The following DPP10 variants were observed in gnomAD, a reference collection of about 807,000 sequenced individuals.
DPP10 encodes dipeptidyl peptidase like 10.
A neutral mutation model predicts 120.9 loss-of-function variants in DPP10; 33 were observed. That is an observed-to-expected ratio of 0.27 (90% CI 0.21 to 0.37). The LOEUF is 0.37. Among genes scored for constraint, DPP10 ranks in the 10% least tolerant of loss-of-function variants. The pLI is 1.00. For synonymous variants in DPP10, 337 were observed against 326.1 expected (o/e 1.03, Z -0.36); for missense variants, 816 against 942.8 (o/e 0.87, Z 1.76).
chr2:115,074,325 A>G (rs1212750880), intron 1 of DPP10, among the ~76,000 whole-genome samples: 2 of 152,178 alleles, frequency 1.3e-5, no homozygotes, highest in Non-Finnish European at 2.9e-5. Flanking sequence ...GATTTTTTTA[A>G]ACACACATAG....
chr2:115,790,354 C>T (rs1575783830), intron 17 of DPP10, among the ~76,000 whole-genome samples: 2 of 152,110 alleles, frequency 1.3e-5, no homozygotes, highest in East Asian at 1.9e-4. Context: ...GCTGGGATTA[C>T]AGGCGTGAGC....
At chr2:115,603,511 G>C (rs1052253720) in intron 5 of DPP10, among the ~76,000 whole-genome samples, 1 of 151,302 alleles carries the variant, frequency 6.6e-6, no homozygotes, top group African/African-American at 2.4e-5. Context: ...GCATAACAGA[G>C]CTGGGCTGGA....
chr2:114,893,448 C>T (rs1574432003), intron 1 of DPP10, among the ~76,000 whole-genome samples: 2 of 151,838 alleles, frequency 1.3e-5, no homozygotes, highest in South Asian at 4.2e-4. Flanking sequence ...GAAAATCAGG[C>T]AGCTTTTGAA....
At chr2:115,442,176 C>T (rs1174105812) in intron 3 of DPP10, among the ~76,000 whole-genome samples, 1 of 151,848 alleles carries the variant, frequency 6.6e-6, no homozygotes, top group Non-Finnish European at 1.5e-5. Flanking sequence ...TGCTTGTACT[C>T]TGTTAAGGTC....
chr2:115,157,257 A>G (rs890985074), intron 1 of DPP10, among the ~76,000 whole-genome samples: 5 of 151,830 alleles, frequency 3.3e-5, no homozygotes, highest in Admixed American at 6.6e-5. Flanking sequence ...AAAAAAAAAA[A>G]AAAAGAGAGA....
At chr2:115,466,214 C>A (rs1462063076) in intron 3 of DPP10, among the ~76,000 whole-genome samples, 1 of 152,162 alleles carries the variant, frequency 6.6e-6, no homozygotes, top group Non-Finnish European at 1.5e-5. Flanking sequence ...CTATCTCCCA[C>A]CTGGGACTCT....
chr2:115,154,928 G>A (rs529004576), intron 1 of DPP10, among the ~76,000 whole-genome samples: 43 of 146,536 alleles, frequency 2.9e-4, no homozygotes, highest in Admixed American at 4.2e-4. Flanking sequence ...ATCTCACTCT[G>A]TCACCCAGGC....
intron 1 of DPP10, among the ~76,000 whole-genome samples, chr2:114,658,130 G>A (rs768765753): frequency 3.3e-5 from 5 of 152,188 alleles, no homozygotes; most frequent in African/African-American, 4.8e-5. Flanking sequence ...ATGTGTATGT[G>A]TGTGCACATG....
chr2:114,607,036 G>A (rs1020559512), intron 1 of DPP10, among the ~76,000 whole-genome samples: 1 of 152,176 alleles, frequency 6.6e-6, no homozygotes, highest in South Asian at 2.1e-4. Flanking sequence ...CCATGGTGAA[G>A]GTTGTCCTGG....
At chr2:115,708,339 C>T (rs1393182927) in intron 7 of DPP10, among the ~76,000 whole-genome samples, 2 of 151,924 alleles carry the variant, frequency 1.3e-5, no homozygotes, top group Admixed American at 6.6e-5. Flanking sequence ...GTAAAAAAGA[C>T]TTGCTAATAA....
At position 115,410,869 on chromosome 2, in the gene DPP10, T is replaced by C. The variant is rs1241726474; in HGVS notation, c.271+66957T>C. Among the ~76,000 whole-genome samples the C allele has an allele frequency of 3.9e-5, 6 of 152,240 alleles. No homozygotes were observed. In the East Asian group the frequency reaches 1.2e-3, roughly 29 times the overall value. On this transcript the variant is annotated intron_variant, in intron 3 of 25. Transcript: ENST00000410059. ...TATAGTAATTTAAACATCATTTTAA[T>C]AGTTCTATATCACTTGTATTGATAT...
chr2:114,877,469 C>T (rs1358494785), intron 1 of DPP10, among the ~76,000 whole-genome samples: 3 of 152,028 alleles, frequency 2.0e-5, no homozygotes, highest in African/African-American at 4.8e-5. Context: ...TCCGGTCCTG[C>T]TTACTCAATC....
At chr2:114,580,699 C>A (rs970781004) in intron 1 of DPP10, among the ~76,000 whole-genome samples, 1 of 151,828 alleles carries the variant, frequency 6.6e-6, no homozygotes, top group Non-Finnish European at 1.5e-5. Flanking sequence ...CCCTAAAGCA[C>A]CGCATTAATC....
At chr2:115,161,913 T>A in intron 1 of DPP10, 2 of 1,433,666 alleles carry the variant, frequency 1.4e-6, no homozygotes, top group Non-Finnish European at 1.8e-6. Context: ...TCCCCGAGTC[T>A]GAAGCGCCCG....
chr2:115,803,928 G>C lies in DPP10; in HGVS notation c.1701-10865G>C, dbSNP rs577440336. Among the ~76,000 whole-genome samples the C allele has an allele frequency of 1.5e-3, 223 of 152,210 alleles. 1 individual carries two copies. The highest frequency in any genetic ancestry group is 3.4e-3 in the Middle Eastern group (1 of 294). Reference sequence around the variant, plus strand: ...TGTGTCTTGGAGTTGCTCTTCTCGAGCAGTATCTTTGTGGCATTCTCTGTA... The same window carrying C: ...TGTGTCTTGGAGTTGCTCTTCTCGACCAGTATCTTTGTGGCATTCTCTGTA... On this transcript the variant is annotated intron_variant, in intron 19 of 25. Coordinates refer to ENST00000410059, the MANE Select transcript of DPP10 (RefSeq NM_020868.6).
chr2:115,094,358 A>G (rs1231209219), intron 1 of DPP10, among the ~76,000 whole-genome samples: 1 of 152,106 alleles, frequency 6.6e-6, no homozygotes, highest in Non-Finnish European at 1.5e-5. Context: ...AAAGAATTCA[A>G]ATATCTGGAC....
intron 1 of DPP10, among the ~76,000 whole-genome samples, chr2:114,988,988 C>G (rs1700596933): frequency 6.6e-6 from 1 of 151,616 alleles, no homozygotes; most frequent in Non-Finnish European, 1.5e-5. Flanking sequence ...AAACACCAAA[C>G]AGTATTTTTA....
chr2:115,825,890 T>A (rs1688261527), intron 21 of DPP10, among the ~76,000 whole-genome samples: 1 of 152,162 alleles, frequency 6.6e-6, no homozygotes, highest in South Asian at 2.1e-4. Flanking sequence ...AGTGTCCCAA[T>A]GAGCTGGGCA....
chr2:114,922,625 T>C (rs1005349867), intron 1 of DPP10, among the ~76,000 whole-genome samples: 18 of 152,330 alleles, frequency 1.2e-4, no homozygotes, highest in African/African-American at 4.3e-4. Context: ...ACATTTTATA[T>C]AAGTGGTACT....
Sources: gnomAD v4.1 joint callset for allele counts (sites outside exome capture counted in the v4.1 genomes callset) on GRCh38, gnomAD v4.1.1 for gene constraint, MANE v1.5 for transcripts, NCBI Gene and HGNC (gene_info 2026-07-23, HGNC 2026-07-21) for gene names.